COL21A1: variants seen among roughly 807,000 people sequenced by gnomAD.
The protein encoded by COL21A1 is collagen type XXI alpha 1 chain.
Under a neutral mutation model 137.9 loss-of-function variants are expected in COL21A1, and 149 were observed. The observed-to-expected ratio is 1.08, with a 90% CI of 0.95 to 1.24. The LOEUF (loss-of-function observed/expected upper bound fraction) is 1.24. Among genes scored for constraint, COL21A1 ranks in the 50% most tolerant of loss-of-function variants. The pLI, the probability that COL21A1 is intolerant of heterozygous loss-of-function variation, is 0.00. For missense variants in COL21A1, 1,167 were observed against 1,158.4 expected (o/e 1.01, Z -0.11); for synonymous variants, 456 against 391.5 (o/e 1.16, Z -1.95).
At chr6:56,330,004 A>T (rs2152343360) in intron 1 of COL21A1, among the ~76,000 whole-genome samples, 1 of 152,252 alleles carries the variant, frequency 6.6e-6, no homozygotes, top group Admixed American at 6.6e-5. Context: ...AACTAAAATT[A>T]TCTGCTCTTC....
chr6:56,100,057 T>G (rs1770313008), intron 17 of COL21A1, among the ~76,000 whole-genome samples: 2 of 152,266 alleles, frequency 1.3e-5, no homozygotes, highest in Non-Finnish European at 2.9e-5. Context: ...TTTTCAAACT[T>G]GCAGTCAAGG....
intron 1 of COL21A1, among the ~76,000 whole-genome samples, chr6:56,360,166 G>C (rs554547269): frequency 1.6e-4 from 25 of 152,310 alleles, no homozygotes; most frequent in Admixed American, 9.2e-4. Context: ...AAAGTGACAG[G>C]GGAGTGGAGG....
At chr6:56,303,818 A>C (rs1367467903) in intron 1 of COL21A1, among the ~76,000 whole-genome samples, 2 of 152,288 alleles carry the variant, frequency 1.3e-5, no homozygotes, top group East Asian at 3.9e-4. Context: ...CCAGTTTTCA[A>C]AGGGAATGCT....
intron 12 of COL21A1, among the ~76,000 whole-genome samples, chr6:56,138,094 T>C (rs908953948): frequency 6.6e-6 from 1 of 152,076 alleles, no homozygotes; most frequent in Non-Finnish European, 1.5e-5. Flanking sequence ...AAAATCACAA[T>C]TACTTTTGCA....
At chr6:56,280,093 CAA>C (rs1314881663) in intron 1 of COL21A1, among the ~76,000 whole-genome samples, 1 of 152,170 alleles carries the variant, frequency 6.6e-6, no homozygotes, top group African/African-American at 2.4e-5. Flanking sequence ...CTACAATCCA[CAA>C]GTTGTACATC....
intron 1 of COL21A1, among the ~76,000 whole-genome samples, chr6:56,269,271 T>C (rs1763465135): frequency 1.3e-5 from 2 of 152,138 alleles, no homozygotes; most frequent in South Asian, 2.1e-4. Flanking sequence ...CTCTGCTAAA[T>C]ACTATACAAG....
chr6:56,148,550 A>G (rs1775033213), intron 10 of COL21A1, among the ~76,000 whole-genome samples: 1 of 152,064 alleles, frequency 6.6e-6, no homozygotes, highest in Non-Finnish European at 1.5e-5. Flanking sequence ...GCTGTATCCC[A>G]TTTTCCAATT....
chr6:56,333,881 T>C (rs915635401), intron 1 of COL21A1, among the ~76,000 whole-genome samples: 5 of 152,136 alleles, frequency 3.3e-5, no homozygotes, highest in Non-Finnish European at 5.9e-5. Context: ...TGAGGATCTC[T>C]TCATGGGATT....
chr6:56,124,395 G>A (rs1402065033), intron 14 of COL21A1, 103 bp from the exon 15 acceptor site: 1 of 1,098,482 alleles, frequency 9.1e-7, no homozygotes, highest in African/African-American at 1.6e-5. Context: ...TCATTATGTA[G>A]TAAAAACTCA....
intron 1 of COL21A1, among the ~76,000 whole-genome samples, chr6:56,266,617 A>G (rs1763397938): frequency 6.6e-6 from 1 of 152,262 alleles, no homozygotes; most frequent in African/African-American, 2.4e-5. Flanking sequence ...CTTTGAAAGA[A>G]AAGTACCTAA....
chr6:56,081,954 T>C (rs1582276300), intron 17 of COL21A1, among the ~76,000 whole-genome samples: 1 of 151,854 alleles, frequency 6.6e-6, no homozygotes, highest in African/African-American at 2.4e-5. Flanking sequence ...AGAACAAAGA[T>C]ATCATAGGAA....
intron 1 of COL21A1, among the ~76,000 whole-genome samples, chr6:56,275,815 G>T (rs984112971): frequency 1.3e-5 from 2 of 152,144 alleles, no homozygotes; most frequent in African/African-American, 4.8e-5. Context: ...GGAGTTTGGA[G>T]ATTTGTCAAA....
intron 27 of COL21A1, 29 bp from the exon 28 acceptor site, chr6:56,060,247 T>C: frequency 6.6e-7 from 1 of 1,521,274 alleles, no homozygotes; most frequent in Non-Finnish European, 8.9e-7. Context: ...CCCCATCCCT[T>C]ATGTTTAAAT....
In COL21A1 at chr6:56,153,138, G is replaced by T. The variant is rs182127696; in HGVS notation, c.1434+3749C>A. Among the ~76,000 whole-genome samples the T allele has an allele frequency of 3.8e-4, 58 of 152,298 alleles. 1 individual carries two copies. The highest frequency in any genetic ancestry group is 6.5e-4 in the Admixed American group (10 of 15,300). ...AGGCAAATGTTGGCATATAATGGGG[G>T]TCGAAGATAAATACAAAAGAGGAGA... On this transcript the variant is annotated intron_variant, in intron 10 of 29. Transcript: ENST00000244728.
At chr6:56,302,327 T>C (rs1764319668) in intron 1 of COL21A1, among the ~76,000 whole-genome samples, 1 of 152,216 alleles carries the variant, frequency 6.6e-6, no homozygotes, top group African/African-American at 2.4e-5. Flanking sequence ...ATGGTTGCAC[T>C]AGTTTACAGT....
intron 10 of COL21A1, among the ~76,000 whole-genome samples, chr6:56,151,043 G>A (rs973825511): frequency 6.8e-6 from 1 of 147,684 alleles, no homozygotes; most frequent in Middle Eastern, 3.4e-3. Flanking sequence ...CTAACATGGT[G>A]AAACCCCATC....
chr6:56,211,430 A>G (rs1780170737), intron 1 of COL21A1, among the ~76,000 whole-genome samples: 1 of 152,046 alleles, frequency 6.6e-6, no homozygotes, highest in South Asian at 2.1e-4. Flanking sequence ...AGTTGGAGTT[A>G]CTAAAAAATA....
At chr6:56,068,915 A>C (rs1766492294) in intron 22 of COL21A1, 131 bp downstream of exon 22, 1 of 655,372 alleles carries the variant, frequency 1.5e-6, no homozygotes, top group African/African-American at 1.9e-5. Flanking sequence ...TTATACATAC[A>C]TCGAATATAT....
chr6:56,321,827 C>G (rs1485832357), intron 1 of COL21A1, among the ~76,000 whole-genome samples: 1 of 152,116 alleles, frequency 6.6e-6, no homozygotes, highest in Non-Finnish European at 1.5e-5. Flanking sequence ...AAGATCTCAA[C>G]GTCACCCATT....
Sources: gnomAD v4.1 joint callset for allele counts (sites outside exome capture counted in the v4.1 genomes callset) on GRCh38, gnomAD v4.1.1 for gene constraint, MANE v1.5 for transcripts, NCBI Gene and HGNC (gene_info 2026-07-23, HGNC 2026-07-21) for gene names.